The following CEP112 variants were observed in gnomAD, a reference collection of about 807,000 sequenced individuals.
CEP112 encodes centrosomal protein 112, also known as centrosomal protein of 112 kDa.
Under a neutral mutation model 153.0 loss-of-function variants are expected in CEP112, and 127 were observed. The ratio of observed to expected loss-of-function variants is 0.83; its 90% CI spans 0.72 to 0.96. The LOEUF is 0.96. Ranked by LOEUF, CEP112 falls within the 40% of genes least tolerant of loss-of-function variation. CEP112 has a pLI of 0.00. For missense variants in CEP112, 1,089 were observed against 1,101.2 expected (o/e 0.99, Z 0.16); for synonymous variants, 358 against 374.4 (o/e 0.96, Z 0.51).
intron 20 of CEP112, among the ~76,000 whole-genome samples, chr17:65,863,350 G>A (rs1414057338): frequency 6.6e-6 from 1 of 152,136 alleles, no homozygotes; most frequent in African/African-American, 2.4e-5. Context: ...TAGAAATAAT[G>A]ACAGATGGTT....
rs1043647340 is a variant in CEP112 at position 65,955,689 on chromosome 17, C to G, written c.1872+5774G>C. Among the ~76,000 whole-genome samples the G allele has an allele frequency of 2.0e-5, 3 of 152,104 alleles. No homozygotes were observed. In the East Asian group the frequency reaches 5.8e-4, roughly 29 times the overall value. On this transcript the variant is annotated intron_variant, in intron 18 of 26. Transcript: ENST00000535342. ...CATGTAAATAAACACCAAAAGCGAG[C>G]AGGAGTAGCTATTCTTATATCAGAC...
At chr17:65,648,915 G>A (rs2045584583) in intron 24 of CEP112, among the ~76,000 whole-genome samples, 1 of 152,104 alleles carries the variant, frequency 6.6e-6, no homozygotes, top group Non-Finnish European at 1.5e-5. Flanking sequence ...GCCAGGCATG[G>A]TGGCAGGCGC....
intron 23 of CEP112, among the ~76,000 whole-genome samples, chr17:65,699,649 T>A (rs536846431): frequency 1.3e-5 from 2 of 152,114 alleles, no homozygotes; most frequent in Non-Finnish European, 2.9e-5. Context: ...GATGGGGGTC[T>A]CACTATGTTG....
At chr17:66,003,267 G>A (rs1042291717) in intron 17 of CEP112, among the ~76,000 whole-genome samples, 2 of 152,008 alleles carry the variant, frequency 1.3e-5, no homozygotes, top group African/African-American at 4.8e-5. Flanking sequence ...CAGTATTTTG[G>A]CAAAGACTTT....
chr17:65,983,333 C>T (rs1336477889), intron 17 of CEP112, among the ~76,000 whole-genome samples: 1 of 152,216 alleles, frequency 6.6e-6, no homozygotes, highest in African/African-American at 2.4e-5. Flanking sequence ...GAACCAAAGA[C>T]CGCACGCCCG....
intron 6 of CEP112, among the ~76,000 whole-genome samples, chr17:66,101,544 C>CA (rs1276362263): frequency 1.3e-5 from 2 of 151,796 alleles, no homozygotes; most frequent in Non-Finnish European, 2.9e-5. Context: ...TCCAATAAGG[C>CA]AAAATCACAA....
chr17:65,834,780 C>CT (rs2057235120), intron 21 of CEP112, among the ~76,000 whole-genome samples: 1 of 152,116 alleles, frequency 6.6e-6, no homozygotes, highest in African/African-American at 2.4e-5. Context: ...TTGTGGAAGG[C>CT]AGTATGGCCA....
chr17:66,189,283 T>C (rs890881029), intron 1 of CEP112, among the ~76,000 whole-genome samples: 3 of 152,052 alleles, frequency 2.0e-5, no homozygotes, highest in Non-Finnish European at 2.9e-5. Flanking sequence ...GGCGGATAAC[T>C]TGAGGTCAGG....
intron 23 of CEP112, among the ~76,000 whole-genome samples, chr17:65,699,179 C>T (rs1458998914): frequency 1.3e-5 from 2 of 152,226 alleles, no homozygotes; most frequent in African/African-American, 4.8e-5. Flanking sequence ...CTCTGAACTT[C>T]ACCAGAGCAG....
intron 21 of CEP112, among the ~76,000 whole-genome samples, chr17:65,802,827 C>T (rs1301881425): frequency 4.6e-5 from 7 of 152,158 alleles, no homozygotes; most frequent in Admixed American, 3.9e-4. Context: ...CCAAAGATGG[C>T]CGCATCAATA....
chr17:65,679,485 G>A (rs1003716243), intron 24 of CEP112, among the ~76,000 whole-genome samples: 1 of 152,112 alleles, frequency 6.6e-6, no homozygotes, highest in Non-Finnish European at 1.5e-5. Flanking sequence ...GCTTTGAGTT[G>A]TTAGTACTTT....
At chr17:65,910,164 G>A (rs1195686902) in intron 19 of CEP112, among the ~76,000 whole-genome samples, 1 of 152,128 alleles carries the variant, frequency 6.6e-6, no homozygotes, top group African/African-American at 2.4e-5. Context: ...CAGTTTCTCT[G>A]ACAGAAGTTG....
chr17:65,768,698 A>T (rs1481330915), intron 21 of CEP112, among the ~76,000 whole-genome samples: 1 of 152,122 alleles, frequency 6.6e-6, no homozygotes, highest in Non-Finnish European at 1.5e-5. Flanking sequence ...ACATGATCAT[A>T]TCAGTTGACA....
intron 12 of CEP112, among the ~76,000 whole-genome samples, chr17:66,046,871 G>A (rs1242710712): frequency 6.6e-6 from 1 of 152,046 alleles, no homozygotes; most frequent in Non-Finnish European, 1.5e-5. Context: ...ACCACCCGCA[G>A]CCACCAGAAG....
chr17:65,903,074 T>G (rs889331225), intron 19 of CEP112: 16 of 152,320 alleles, frequency 1.1e-4, no homozygotes, highest in African/African-American at 3.8e-4. Flanking sequence ...TCCCAGACTG[T>G]GCACAATGGC....
chr17:65,914,712 T>C (rs1475517367), intron 19 of CEP112, among the ~76,000 whole-genome samples: 1 of 152,196 alleles, frequency 6.6e-6, no homozygotes, highest in Non-Finnish European at 1.5e-5. Context: ...TATTTTCTTC[T>C]CTAGTGGATC....
intron 21 of CEP112, among the ~76,000 whole-genome samples, chr17:65,765,418 G>A (rs1598507479): frequency 6.6e-6 from 1 of 151,988 alleles, no homozygotes; most frequent in East Asian, 1.9e-4. Context: ...GCAACAAAGT[G>A]CTCTGGTGTA....
At chr17:66,138,565 T>G (rs9908597) in intron 4 of CEP112, among the ~76,000 whole-genome samples, 8,839 of 152,246 alleles carry the variant, frequency 0.058, 270 homozygotes, top group East Asian at 0.072. Context: ...GGGACATTAA[T>G]AACAAAGTGT....
chr17:66,069,783 A>G (rs1371549915), intron 9 of CEP112, 132 bp downstream of exon 9: 1 of 548,696 alleles, frequency 1.8e-6, no homozygotes, highest in African/African-American at 1.9e-5. Flanking sequence ...TCCACTTATA[A>G]CAGAATGTCA....
Sources: gnomAD v4.1 joint callset for allele counts (sites outside exome capture counted in the v4.1 genomes callset) on GRCh38, gnomAD v4.1.1 for gene constraint, MANE v1.5 for transcripts, NCBI Gene and HGNC (gene_info 2026-07-23, HGNC 2026-07-21) for gene names.